The following MCC variants were observed in gnomAD, a reference collection of about 807,000 sequenced individuals.
MCC encodes colorectal mutant cancer protein.
In MCC, 90 loss-of-function variants were observed where a neutral mutation model predicts 116.2. The ratio of observed to expected loss-of-function variants is 0.77; its 90% CI spans 0.65 to 0.92. MCC has a LOEUF of 0.92. MCC is among the 40% of genes least tolerant of loss of function. The pLI, the probability that MCC is intolerant of heterozygous loss-of-function variation, is 0.00. For synonymous variants in MCC, 578 were observed against 510.5 expected (o/e 1.13, Z -1.78); for missense variants, 1,516 against 1,312.2 (o/e 1.16, Z -2.40).
chr5:113,057,605 C>A (rs1460145699), intron 14 of MCC, among the ~76,000 whole-genome samples: 3 of 152,200 alleles, frequency 2.0e-5, no homozygotes, highest in African/African-American at 7.2e-5. Context: ...GAGCAAAGCG[C>A]GCCCACAGCA....
intron 11 of MCC, among the ~76,000 whole-genome samples, chr5:113,076,755 C>T (rs990586916): frequency 5.9e-5 from 9 of 152,170 alleles, no homozygotes; most frequent in African/African-American, 1.9e-4. Flanking sequence ...CATCAACTAA[C>T]AAGCAAAATA....
intron 3 of MCC, among the ~76,000 whole-genome samples, chr5:113,201,711 TTTAA>T (rs1191136391): frequency 6.6e-6 from 1 of 152,220 alleles, no homozygotes; most frequent in Non-Finnish European, 1.5e-5. Flanking sequence ...TTCAAAGTAA[TTTAA>T]TTATGCAGGA....
At chr5:113,162,444 C>A (rs958006411) in intron 3 of MCC, among the ~76,000 whole-genome samples, 3 of 152,262 alleles carry the variant, frequency 2.0e-5, no homozygotes, top group East Asian at 3.9e-4. Context: ...TCAGGCAAAT[C>A]ACTTAACCAC....
At chr5:113,262,222 A>G (rs1348789082) in intron 3 of MCC, among the ~76,000 whole-genome samples, 1 of 152,164 alleles carries the variant, frequency 6.6e-6, no homozygotes, top group African/African-American at 2.4e-5. Context: ...CTAAGCATAC[A>G]AGCTCCACAG....
intron 3 of MCC, among the ~76,000 whole-genome samples, chr5:113,258,196 T>C (rs865908009): frequency 1.3e-5 from 2 of 152,336 alleles, no homozygotes; most frequent in South Asian, 4.1e-4. Context: ...ACAATGCTTA[T>C]AGGAAAGACA....
Position 113,028,988 on chromosome 5 carries a change from T to C in MCC, c.2825A>G (p.Glu942Gly). The change falls in exon 18 of 19, where the codon GAA becomes GGA. Residue 942 changes from glutamate to glycine, a missense_variant. Transcript: ENST00000408903. The part of the protein sequence containing the change: ...SALERLTKSS[E>G]IRHQQSAEFV... ...CTCTGCAGATTGCTGATGTCGGATT[T>C]CACTGCTCTTGGTGAGTCTCTCCAA... 2 of 1,614,040 alleles carry C rather than the reference T, an allele frequency of 1.2e-6. No individual in the cohort carries two copies. The highest frequency in any genetic ancestry group is 1.6e-4 in the Middle Eastern group (1 of 6,062).
intron 1 of MCC, among the ~76,000 whole-genome samples, chr5:113,484,893 TA>T (rs773627573): frequency 6.6e-6 from 1 of 152,188 alleles, no homozygotes; most frequent in African/African-American, 2.4e-5. Context: ...AAATATGTGG[TA>T]AAGTCATTGT....
intron 3 of MCC, among the ~76,000 whole-genome samples, chr5:113,258,892 C>A (rs975610943): frequency 1.1e-4 from 16 of 152,262 alleles, no homozygotes; most frequent in African/African-American, 3.6e-4. Flanking sequence ...CTAATTAAAT[C>A]TTTTAAAGTA....
chr5:113,463,414 C>A (rs1038352604), intron 1 of MCC, among the ~76,000 whole-genome samples: 1 of 152,088 alleles, frequency 6.6e-6, no homozygotes, highest in African/African-American at 2.4e-5. Flanking sequence ...TTAGGGTAAT[C>A]ATAAGGGAGA....
Position 113,024,285 on chromosome 5 carries a change from A to G in MCC, c.*3017T>C, listed in dbSNP as rs1266306616. ...TGGATATTAACTTCAGAACGCTGAC[A>G]AGCCAGCCGATGAGGATGAAAGTTT... On this transcript the variant is annotated 3_prime_UTR_variant, in exon 19 of 19. Coordinates refer to ENST00000408903, the MANE Select transcript of MCC (RefSeq NM_001085377.2). 1.3e-5 allele frequency: 2 copies of G among 152,282 alleles called. No homozygotes were observed. The highest frequency in any genetic ancestry group is 4.8e-5 in the African/African-American group (2 of 41,476). The allele number at this position is 152,282 out of a possible 1,614,324, so 9.4% of individuals were successfully genotyped here.
chr5:113,360,126 T>C (rs973420037), intron 2 of MCC, among the ~76,000 whole-genome samples: 1 of 152,030 alleles, frequency 6.6e-6, no homozygotes, highest in African/African-American at 2.4e-5. Flanking sequence ...GACATTGTCA[T>C]ACCTCTTGGC....
At chr5:113,077,792 G>GA (rs1263800715) in intron 11 of MCC, among the ~76,000 whole-genome samples, 3 of 152,024 alleles carry the variant, frequency 2.0e-5, no homozygotes, top group African/African-American at 7.2e-5. Flanking sequence ...CAGAAGGCAA[G>GA]AAAAAACTAA....
In MCC at chr5:113,083,012, C is replaced by CA; in HGVS notation, c.1636-5dup. ...GTTCAGCCACACTGCTGGATACCTG[C>CA]AAAAAGAAGCATTAATTCCCCTTTG... On this transcript the variant is annotated splice_region_variant and splice_polypyrimidine_tract_variant and intron_variant, in intron 10 of 18. Coordinates refer to ENST00000408903, the MANE Select transcript of MCC (RefSeq NM_001085377.2). 6.2e-7 allele frequency: 1 copy of CA among 1,604,944 alleles called. No individual in the cohort carries two copies. Among genetic ancestry groups the CA allele is most frequent in the Non-Finnish European group, 8.5e-7 (1 of 1,177,304 alleles).
At chr5:113,094,173 T>C (rs911920875) in intron 8 of MCC, among the ~76,000 whole-genome samples, 3 of 152,202 alleles carry the variant, frequency 2.0e-5, no homozygotes, top group African/African-American at 7.2e-5. Context: ...CAAATATTTA[T>C]TTCTTTCTAT....
chr5:113,407,967 G>A (rs763786397), intron 1 of MCC, among the ~76,000 whole-genome samples: 2 of 152,130 alleles, frequency 1.3e-5, no homozygotes, highest in Non-Finnish European at 1.5e-5. Context: ...GCCAAAACTA[G>A]GACTAGAATT....
intron 1 of MCC, among the ~76,000 whole-genome samples, chr5:113,385,483 T>C (rs1304120194): frequency 3.9e-5 from 6 of 152,206 alleles, no homozygotes; most frequent in African/African-American, 1.4e-4. Context: ...CTTCTCTCCC[T>C]TTCTTTGTTT....
At chr5:113,204,606 T>C (rs1228815740) in intron 3 of MCC, 3 of 152,162 alleles carry the variant, frequency 2.0e-5, no homozygotes, top group African/African-American at 7.2e-5. Flanking sequence ...TGAGGAGAAA[T>C]GCCAGGCAGA....
intron 2 of MCC, among the ~76,000 whole-genome samples, chr5:113,340,974 C>T (rs1459991083): frequency 6.6e-6 from 1 of 152,158 alleles, no homozygotes; most frequent in East Asian, 1.9e-4. Flanking sequence ...GCTCCCTAAA[C>T]AGAAATGCTT....
At chr5:113,217,941 T>G (rs1763388022) in intron 3 of MCC, among the ~76,000 whole-genome samples, 1 of 152,104 alleles carries the variant, frequency 6.6e-6, no homozygotes, top group African/African-American at 2.4e-5. Flanking sequence ...ACTGAGGAAG[T>G]GTGCCGCACA....
Sources: allele counts gnomAD v4.1 joint callset (sites outside exome capture counted in the v4.1 genomes callset), GRCh38; gene constraint gnomAD v4.1.1; transcripts MANE v1.5; gene names NCBI Gene and HGNC (gene_info 2026-07-23, HGNC 2026-07-21).